MTMR1: variants seen among roughly 807,000 people sequenced by gnomAD.
The protein encoded by MTMR1 is phosphatidylinositol-3-phosphate phosphatase MTMR1.
MTMR1 carries 17 observed loss-of-function variants against 51.6 expected under a neutral mutation model. The ratio of observed to expected loss-of-function variants is 0.33; its 90% CI spans 0.23 to 0.49. The LOEUF is 0.49. Ranked by LOEUF, MTMR1 falls within the 20% of genes least tolerant of loss-of-function variation. The pLI, the probability that MTMR1 is intolerant of heterozygous loss-of-function variation, is 0.99. For missense variants in MTMR1, 386 were observed against 526.9 expected (o/e 0.73, Z 2.62); for synonymous variants, 201 against 205.6 (o/e 0.98, Z 0.19).
intron 3 of MTMR1, among the ~76,000 whole-genome samples, chrX:150,715,347 T>G (rs1384167702): frequency 8.9e-6 from 1 of 112,500 alleles, no homozygotes; most frequent in African/African-American, 3.2e-5. Context: ...AGACTTCGGC[T>G]AGACCTTCAG....
intron 14 of MTMR1, chrX:150,751,381 A>G: frequency 4.4e-6 from 1 of 228,969 alleles, no homozygotes; most frequent in Non-Finnish European, 6.5e-6. Context: ...CATTGGAAAA[A>G]GGCAGCTTAA....
intron 2 of MTMR1, among the ~76,000 whole-genome samples, chrX:150,705,932 C>T (rs1261764008): frequency 8.9e-6 from 1 of 112,421 alleles, no homozygotes; most frequent in Non-Finnish European, 1.9e-5. Flanking sequence ...GTGCCATTGA[C>T]ATTAGTATTG....
In MTMR1 at chrX:150,730,536, A is replaced by G. The variant is rs1557416955; in HGVS notation, c.669A>G (p.Ala223=). The G allele has an allele frequency of 2.6e-6, 3 of 1,171,219 alleles. No individual in the cohort carries two copies. Among genetic ancestry groups the G allele is most frequent in the Admixed American group, 2.3e-5 (1 of 43,108 alleles). Residue 223 remains alanine (A), a synonymous_variant, in exon 8 of 16, where the codon GCA becomes GCG. Coordinates refer to ENST00000445323, the MANE Select transcript of MTMR1 (RefSeq NM_001306144.3). ...GTTTTTGTGTCCAGGCACTATTTGC[A>G]TTCAGCTATAAAGAAAAATTTCCAA... ...FPLSNGQALF[A]FSYKEKFPIN...
Position 150,763,721 on chromosome X carries a change from G to A in MTMR1, c.*992G>A, listed in dbSNP as rs183181215. The A allele has an allele frequency of 8.9e-6, 1 of 112,683 alleles. No homozygotes were observed. Among genetic ancestry groups the A allele is most frequent in the East Asian group, 2.8e-4 (1 of 3,596 alleles). The allele number at this position is 112,683 out of a possible 1,213,427, so 9.3% of individuals were successfully genotyped here. A position where few individuals can be genotyped will look rare whatever the true frequency, so the allele number is the denominator to read the frequency against. ...ACTCAGCTTACTCGCGTGGCTGCCTGTTCATATTTGAAAGCAGCCACCGTG... is the reference window on the plus strand; with the variant it reads ...ACTCAGCTTACTCGCGTGGCTGCCTATTCATATTTGAAAGCAGCCACCGTG... On this transcript the variant is annotated 3_prime_UTR_variant, in exon 16 of 16. Coordinates refer to ENST00000445323, the MANE Select transcript of MTMR1 (RefSeq NM_001306144.3).
At chrX:150,754,679 A>AT (rs1320161312) in intron 14 of MTMR1, among the ~76,000 whole-genome samples, 4 of 111,811 alleles carry the variant, frequency 3.6e-5, no homozygotes, top group African/African-American at 1.3e-4. Flanking sequence ...GATAGCTATG[A>AT]TTTTCCAGCA....
chrX:150,759,745 A>G (rs2043032052), intron 15 of MTMR1, among the ~76,000 whole-genome samples: 1 of 110,102 alleles, frequency 9.1e-6, no homozygotes, highest in Non-Finnish European at 1.9e-5. Flanking sequence ...CATCATGATG[A>G]TGATGGAAAC....
chrX:150,748,285 A>C (rs2042631000), intron 13 of MTMR1, among the ~76,000 whole-genome samples: 1 of 112,199 alleles, frequency 8.9e-6, no homozygotes, highest in African/African-American at 3.2e-5. Context: ...ATATGTCAAT[A>C]ATTTGCTATC....
chrX:150,732,555 T>A lies in MTMR1; in HGVS notation c.905T>A (p.Ile302Asn). Residue 302 changes from isoleucine (I) to asparagine (N), a missense_variant, in exon 10 of 16, where the codon ATT becomes AAT. Transcript: ENST00000445323. The stretch of plus-strand genomic sequence containing the variant: ...TAAAAACACTAGGTGTTGTCATGGA[T>A]TCATCCGGAAAGTCAAGCAACGATT... ...AKGRVPVLSW[I>N]HPESQATITR... is the part of the protein sequence containing the mutation. The A allele has an allele frequency of 8.3e-7, 1 of 1,208,185 alleles. No individual in the cohort carries two copies. The highest frequency in any genetic ancestry group is 1.1e-6 in the Non-Finnish European group (1 of 893,497).
intron 9 of MTMR1, among the ~76,000 whole-genome samples, 169 bp downstream of exon 9, chrX:150,731,788 A>G: frequency 8.9e-6 from 1 of 112,168 alleles, no homozygotes; most frequent in Middle Eastern, 4.6e-3. Flanking sequence ...TATATAAACA[A>G]TCTGTTTGCT....
intron 4 of MTMR1, among the ~76,000 whole-genome samples, chrX:150,721,707 CT>C (rs2041756128): frequency 9.0e-6 from 1 of 111,148 alleles, no homozygotes; most frequent in Non-Finnish European, 1.9e-5. Flanking sequence ...TATTGATCTT[CT>C]CCAAGAGTCA....
Position 150,711,472 on chromosome X carries a change from G to A in MTMR1, c.253-870G>A, listed in dbSNP as rs183196807. Among the ~76,000 whole-genome samples the A allele has an allele frequency of 5.3e-5, 6 of 112,316 alleles. No homozygotes were observed. The East Asian group carries it at 1.4e-3, about 26-fold the overall frequency. ...ATAGGATTTCAGACTTTGAAATGGG[G>A]AACAGAGATGGTTAAAATCTTCCCA... is the stretch of plus-strand genomic sequence containing the variant. On this transcript the variant is annotated intron_variant, in intron 2 of 15. Coordinates refer to ENST00000445323, the MANE Select transcript of MTMR1 (RefSeq NM_001306144.3).
intron 15 of MTMR1, among the ~76,000 whole-genome samples, chrX:150,762,031 T>TC (rs59218472): frequency 2.7e-5 from 3 of 112,587 alleles, no homozygotes; most frequent in Non-Finnish European, 5.6e-5. Flanking sequence ...CACTGCCCGC[T>TC]CCGGGGGGCT....
At position 150,735,561 on chromosome X, in the gene MTMR1, C is replaced by T. The variant is rs1213389754; in HGVS notation, c.1081-1034C>T. On this transcript the variant is annotated intron_variant, in intron 10 of 15. Coordinates refer to ENST00000445323, the MANE Select transcript of MTMR1 (RefSeq NM_001306144.3). The stretch of plus-strand genomic sequence containing the variant: ...GACCCATCATCTCTTACCTCACCTA[C>T]AGCAGGAACCTTGAAATTGGACTTC... The T allele has an allele frequency of 6.6e-6, 3 of 455,746 alleles. No individual in the cohort carries two copies. In the Admixed American group the frequency reaches 9.9e-5, roughly 15 times the overall value. 37.6% of individuals were successfully genotyped at this position (455,746 alleles called of 1,213,427 possible).
At chrX:150,726,432 G>A (rs935688823) in intron 4 of MTMR1, among the ~76,000 whole-genome samples, 5 of 111,612 alleles carry the variant, frequency 4.5e-5, no homozygotes, top group Non-Finnish European at 9.4e-5. Flanking sequence ...TCATGGACAG[G>A]AACTTCTTCC....
intron 2 of MTMR1, among the ~76,000 whole-genome samples, chrX:150,700,785 G>A (rs1603230058): frequency 8.9e-6 from 1 of 112,728 alleles, no homozygotes; most frequent in East Asian, 2.8e-4. Context: ...ACAATTATGA[G>A]TTAACTGTAA....
chrX:150,760,300 AGGAGGAAGAGAGG>A (rs1182526147), intron 15 of MTMR1, among the ~76,000 whole-genome samples: 1 of 94,760 alleles, frequency 1.1e-5, no homozygotes, highest in African/African-American at 3.5e-5. Context: ...GGCAGAGAGA[AGGAGGAAGAGAGG>A]GGAGGGGAGG....
chrX:150,751,316 C>A, intron 14 of MTMR1: 1 of 590,247 alleles, frequency 1.7e-6, no homozygotes, highest in South Asian at 7.3e-5. Context: ...CATCTCATTT[C>A]TTTCTTTTTC....
At chrX:150,712,636 A>G (rs2041352530) in intron 3 of MTMR1, 1 of 316,307 alleles carries the variant, frequency 3.2e-6, no homozygotes, top group Non-Finnish European at 5.5e-6. Flanking sequence ...GTACTACATG[A>G]ATTATGACCA....
chrX:150,741,984 A>T (rs1557417329), intron 12 of MTMR1, among the ~76,000 whole-genome samples: 1 of 112,719 alleles, frequency 8.9e-6, no homozygotes, highest in East Asian at 2.8e-4. Context: ...GCAGGGGCCC[A>T]AACAGATATT....
Sources: gnomAD v4.1 joint callset for allele counts (sites outside exome capture counted in the v4.1 genomes callset) on GRCh38, gnomAD v4.1.1 for gene constraint, MANE v1.5 for transcripts, NCBI Gene and HGNC (gene_info 2026-07-23, HGNC 2026-07-21) for gene names.